Variants in FARP1 observed in about 807,000 individuals in gnomAD.
The protein encoded by FARP1 is FERM, ARHGEF and pleckstrin domain-containing protein 1.
A neutral mutation model predicts 128.8 loss-of-function variants in FARP1; 52 were observed. The ratio of observed to expected loss-of-function variants is 0.40; its 90% CI spans 0.32 to 0.51. The LOEUF (loss-of-function observed/expected upper bound fraction) is 0.51. Ranked by LOEUF, FARP1 falls within the 20% of genes least tolerant of loss-of-function variation. FARP1 has a pLI of 0.45. For missense variants in FARP1, 1,333 were observed against 1,367.9 expected (o/e 0.97, Z 0.40); for synonymous variants, 580 against 551.8 (o/e 1.05, Z -0.72).
chr13:98,160,217 G>A (rs1876780689), intron 1 of FARP1, among the ~76,000 whole-genome samples: 1 of 152,186 alleles, frequency 6.6e-6, no homozygotes. Flanking sequence ...TCTTTAAATT[G>A]AAGTCACATC....
chr13:98,358,332 A>G (rs1888724021), intron 3 of FARP1, among the ~76,000 whole-genome samples: 2 of 151,594 alleles, frequency 1.3e-5, no homozygotes, highest in Admixed American at 6.6e-5. Context: ...CAGGGATCAC[A>G]TTTTCATTTT....
intron 16 of FARP1, among the ~76,000 whole-genome samples, chr13:98,417,157 A>G (rs1031638935): frequency 6.6e-6 from 1 of 152,154 alleles, no homozygotes; most frequent in East Asian, 1.9e-4. Context: ...GAAGCATACA[A>G]GTACGATAAG....
At chr13:98,239,755 G>A (rs1198261868) in intron 2 of FARP1, among the ~76,000 whole-genome samples, 8 of 152,070 alleles carry the variant, frequency 5.3e-5, no homozygotes, top group African/African-American at 1.2e-4. Flanking sequence ...GGAGATGAGC[G>A]GGGAGGGGGT....
chr13:98,154,835 T>C (rs1876386615), intron 1 of FARP1, among the ~76,000 whole-genome samples: 3 of 152,230 alleles, frequency 2.0e-5, no homozygotes, highest in Admixed American at 2.0e-4. Context: ...CGGTAAACAT[T>C]GATTATCTTT....
chr13:98,188,565 G>GAAAAA (rs560043288), intron 1 of FARP1, among the ~76,000 whole-genome samples: 1 of 150,028 alleles, frequency 6.7e-6, no homozygotes, highest in Non-Finnish European at 1.5e-5. Context: ...CGTCTCAAAA[G>GAAAAA]AAAAAAAAAG....
chr13:98,411,192 C>G (rs904943885), intron 15 of FARP1, among the ~76,000 whole-genome samples: 1 of 152,286 alleles, frequency 6.6e-6, no homozygotes, highest in East Asian at 1.9e-4. Flanking sequence ...TTCATTTTAT[C>G]TTTGATAATA....
At chr13:98,320,822 T>C (rs1423350479) in intron 2 of FARP1, among the ~76,000 whole-genome samples, 12 of 152,142 alleles carry the variant, frequency 7.9e-5, no homozygotes, top group African/African-American at 2.7e-4. Context: ...CCGGTTTAGA[T>C]AGACACAGTT....
At chr13:98,351,076 TC>T (rs1217441818) in intron 3 of FARP1, among the ~76,000 whole-genome samples, 1 of 120,950 alleles carries the variant, frequency 8.3e-6, no homozygotes, top group Non-Finnish European at 1.7e-5. Flanking sequence ...CAGCCTCGCC[TC>T]CCCACAGAAG....
rs67425847 is a variant in FARP1 at position 98,155,343 on chromosome 13, C to CAA, written c.-24+11874_-24+11875dup. Among the ~76,000 whole-genome samples the CAA allele has an allele frequency of 6.3e-3, 406 of 64,506 alleles. 13 individuals carry two copies. The highest frequency in any genetic ancestry group is 0.021 in the African/African-American group (343 of 15,968). The allele number at this position is 64,506 out of a possible 152,430, so 42.3% of individuals were successfully genotyped here. Reference sequence around the variant, plus strand: ...CTGGGTAACGAGCGAAACTCTGTCTCAAAAAAAAAAAAAAAAAAAAAAAAG... The same window carrying CAA: ...CTGGGTAACGAGCGAAACTCTGTCTCAAAAAAAAAAAAAAAAAAAAAAAAAAG... On this transcript the variant is annotated intron_variant, in intron 1 of 26. Coordinates refer to ENST00000319562, the MANE Select transcript of FARP1 (RefSeq NM_005766.4).
At chr13:98,301,335 G>A (rs192146862) in intron 2 of FARP1, among the ~76,000 whole-genome samples, 2 of 151,468 alleles carry the variant, frequency 1.3e-5, no homozygotes, top group East Asian at 3.9e-4. Flanking sequence ...TGAAAGTTCT[G>A]TAGGTGAAGA....
chr13:98,166,957 G>C (rs1233918352), intron 1 of FARP1, among the ~76,000 whole-genome samples: 1 of 151,916 alleles, frequency 6.6e-6, no homozygotes, highest in Admixed American at 6.6e-5. Flanking sequence ...GAACTTTTGG[G>C]CTCAGGCAAT....
chr13:98,358,067 T>A (rs1159477818), intron 3 of FARP1, among the ~76,000 whole-genome samples: 1 of 151,968 alleles, frequency 6.6e-6, no homozygotes, highest in Non-Finnish European at 1.5e-5. Context: ...TCTAATACAT[T>A]TCTGTTTTTT....
intron 11 of FARP1, among the ~76,000 whole-genome samples, chr13:98,392,920 C>G (rs529606863): frequency 6.6e-6 from 1 of 152,124 alleles, no homozygotes; most frequent in Non-Finnish European, 1.5e-5. Context: ...GCCCAGTTCT[C>G]TCTCTGATTC....
intron 1 of FARP1, among the ~76,000 whole-genome samples, chr13:98,170,597 C>T (rs1374883407): frequency 6.6e-6 from 1 of 152,000 alleles, no homozygotes; most frequent in Non-Finnish European, 1.5e-5. Context: ...ACCTTGTGAT[C>T]TGCCCACCTC....
intron 12 of FARP1, among the ~76,000 whole-genome samples, chr13:98,394,350 C>T (rs1051736734): frequency 9.2e-5 from 14 of 152,218 alleles, no homozygotes; most frequent in African/African-American, 2.2e-4. Context: ...CCCCTTTCCC[C>T]GTCCAGGCTG....
chr13:98,388,564 T>G, intron 9 of FARP1, 86 bp downstream of exon 9: 1 of 1,026,552 alleles, frequency 9.7e-7, no homozygotes, highest in Non-Finnish European at 1.5e-6. Flanking sequence ...TTGGCAGGGC[T>G]TCTGCTGAAC....
intron 1 of FARP1, among the ~76,000 whole-genome samples, chr13:98,159,166 C>G (rs1876694302): frequency 6.6e-6 from 1 of 152,210 alleles, no homozygotes; most frequent in African/African-American, 2.4e-5. Context: ...TGATGGGGTG[C>G]TATTCCCACG....
intron 2 of FARP1, among the ~76,000 whole-genome samples, chr13:98,309,318 C>T (rs1292465896): frequency 2.7e-5 from 4 of 147,164 alleles, no homozygotes; most frequent in Non-Finnish European, 5.9e-5. Context: ...AGGCGCCCAC[C>T]ATCACGCCCG....
chr13:98,188,176 C>A (rs1405274087), intron 1 of FARP1, among the ~76,000 whole-genome samples: 2 of 152,142 alleles, frequency 1.3e-5, no homozygotes, highest in Admixed American at 6.5e-5. Context: ...CGCATTTCGG[C>A]AGCACCCACG....
Sources: allele counts gnomAD v4.1 joint callset (sites outside exome capture counted in the v4.1 genomes callset), GRCh38; gene constraint gnomAD v4.1.1; transcripts MANE v1.5; gene names NCBI Gene and HGNC (gene_info 2026-07-23, HGNC 2026-07-21).